PRTFDC1: variants seen among roughly 807,000 people sequenced by gnomAD.
PRTFDC1 encodes phosphoribosyltransferase domain-containing protein 1.
Under a neutral mutation model 34.6 loss-of-function variants are expected in PRTFDC1, and 38 were observed. The ratio of observed to expected loss-of-function variants is 1.10; its 90% CI spans 0.85 to 1.44. The LOEUF is 1.44. Among genes scored for constraint, PRTFDC1 ranks in the 40% most tolerant of loss-of-function variants. PRTFDC1 has a pLI of 0.00. For missense variants in PRTFDC1, 270 were observed against 283.0 expected, an observed-to-expected ratio of 0.95 and a Z score of 0.33; for synonymous variants, 93 against 98.1, an observed-to-expected ratio of 0.95 and a Z score of 0.31.
intron 3 of PRTFDC1, among the ~76,000 whole-genome samples, chr10:24,921,506 T>G (rs575605181): frequency 1.3e-5 from 2 of 152,138 alleles, no homozygotes; most frequent in South Asian, 2.1e-4. Flanking sequence ...TGTATTAGAT[T>G]AGCATTTTTA....
At chr10:24,928,843 C>T (rs991959899) in intron 3 of PRTFDC1, among the ~76,000 whole-genome samples, 6 of 151,740 alleles carry the variant, frequency 4.0e-5, no homozygotes, top group African/African-American at 1.4e-4. Flanking sequence ...AGAGACCATC[C>T]TGACTAACAC....
At chr10:24,883,475 A>G (rs564806311) in intron 3 of PRTFDC1, among the ~76,000 whole-genome samples, 18,411 of 152,066 alleles carry the variant, frequency 0.12, 1,673 homozygotes, top group Non-Finnish European at 0.18. Flanking sequence ...GGCCACCACG[A>G]AAAAGGAAAA....
chr10:24,880,843 C>CTTTCTTTCTTTCTTTCTT (rs1565264509), intron 3 of PRTFDC1, among the ~76,000 whole-genome samples: 4 of 148,378 alleles, frequency 2.7e-5, no homozygotes, highest in African/African-American at 1.0e-4. Flanking sequence ...TTCTTTCTTT[C>CTTTCTTTCTTTCTTTCTT]TTTCTTTCTT....
chr10:24,870,401 C>T (rs984344709), intron 4 of PRTFDC1, among the ~76,000 whole-genome samples: 5 of 152,136 alleles, frequency 3.3e-5, no homozygotes, highest in African/African-American at 9.7e-5. Context: ...AGCCACCATG[C>T]CCAGCCGTCT....
chr10:24,890,674 C>A (rs1197188960), intron 3 of PRTFDC1, among the ~76,000 whole-genome samples: 1 of 152,158 alleles, frequency 6.6e-6, no homozygotes, highest in African/African-American at 2.4e-5. Flanking sequence ...CCCTGTCTGG[C>A]TCCTTTGCCC....
intron 1 of PRTFDC1, among the ~76,000 whole-genome samples, chr10:24,951,059 G>C (rs995012826): frequency 7.9e-5 from 12 of 152,276 alleles, no homozygotes; most frequent in African/African-American, 1.4e-4. Context: ...TGGGGCAACT[G>C]GAATGGTTTT....
At chr10:24,872,724 A>C (rs201490765) in intron 3 of PRTFDC1, among the ~76,000 whole-genome samples, 2 of 41,668 alleles carry the variant, frequency 4.8e-5, no homozygotes, top group Admixed American at 1.9e-4. Flanking sequence ...ATAATACACA[A>C]AATATATATA....
chr10:24,851,890 C>A (rs1427881252), intron 7 of PRTFDC1, among the ~76,000 whole-genome samples: 1 of 151,676 alleles, frequency 6.6e-6, no homozygotes, highest in Non-Finnish European at 1.5e-5. Context: ...TGAACAGGTG[C>A]GCGGGCCACA....
At chr10:24,943,873 A>G (rs1849210555) in intron 1 of PRTFDC1, among the ~76,000 whole-genome samples, 3 of 151,436 alleles carry the variant, frequency 2.0e-5, no homozygotes, top group Non-Finnish European at 2.9e-5. Context: ...TTCTTTACTC[A>G]CTCCTGCACA....
At chr10:24,944,198 C>T (rs1849216266) in intron 1 of PRTFDC1, among the ~76,000 whole-genome samples, 1 of 152,188 alleles carries the variant, frequency 6.6e-6, no homozygotes, top group African/African-American at 2.4e-5. Flanking sequence ...CCTTGTAGCT[C>T]TCTGTCTTAC....
intron 6 of PRTFDC1, 22 bp downstream of exon 6, chr10:24,856,891 A>G (rs1565256222): frequency 6.3e-7 from 1 of 1,575,808 alleles, no homozygotes; most frequent in Non-Finnish European, 8.7e-7. Flanking sequence ...AGAAATCACC[A>G]TGCTATGAAT....
At chr10:24,936,036 C>T (rs952508255) in intron 3 of PRTFDC1, among the ~76,000 whole-genome samples, 2 of 152,162 alleles carry the variant, frequency 1.3e-5, no homozygotes, top group South Asian at 2.1e-4. Flanking sequence ...AGATAATACA[C>T]GTGTATGTTG....
intron 3 of PRTFDC1, among the ~76,000 whole-genome samples, chr10:24,888,820 C>A (rs1361450577): frequency 6.6e-6 from 1 of 152,092 alleles, no homozygotes; most frequent in Non-Finnish European, 1.5e-5. Context: ...CTCTACATAA[C>A]TCAACACAGC....
At chr10:24,872,676 C>A (rs962592936) in intron 3 of PRTFDC1, among the ~76,000 whole-genome samples, 6 of 146,206 alleles carry the variant, frequency 4.1e-5, no homozygotes, top group Admixed American at 3.4e-4. Context: ...CAGAACTATA[C>A]GTGTGTGTGT....
Position 24,851,929 on chromosome 10 carries a change from C to T in PRTFDC1, c.554-465G>A, listed in dbSNP as rs562057675. 3.3e-5 allele frequency among the ~76,000 whole-genome samples: 5 copies of T among 151,982 alleles called. No homozygotes were observed. In the East Asian group the frequency reaches 9.8e-4, roughly 30 times the overall value. ...ACTAGAAAGCAATTCTCCCGCTGTACTCAGTGTCTTGGCTGTTTAAAGGGC... is the reference window on the plus strand; with the variant it reads ...ACTAGAAAGCAATTCTCCCGCTGTATTCAGTGTCTTGGCTGTTTAAAGGGC... On this transcript the variant is annotated intron_variant, in intron 7 of 8. Coordinates refer to ENST00000320152, the MANE Select transcript of PRTFDC1 (RefSeq NM_020200.7).
intron 3 of PRTFDC1, among the ~76,000 whole-genome samples, chr10:24,890,022 G>A (rs1848234244): frequency 6.6e-6 from 1 of 152,178 alleles, no homozygotes; most frequent in Non-Finnish European, 1.5e-5. Flanking sequence ...GCAGAATCTG[G>A]ACTCCATTAA....
chr10:24,922,781 T>G (rs1848811502), intron 3 of PRTFDC1, among the ~76,000 whole-genome samples: 2 of 152,172 alleles, frequency 1.3e-5, no homozygotes, highest in South Asian at 4.1e-4. Flanking sequence ...TGGTTCATCT[T>G]ATTGGGACGG....
intron 4 of PRTFDC1, among the ~76,000 whole-genome samples, chr10:24,871,433 A>G (rs899856549): frequency 1.3e-5 from 2 of 152,210 alleles, no homozygotes; most frequent in Admixed American, 6.5e-5. Context: ...CTTTTCACTT[A>G]ATTATTAAGC....
chr10:24,937,332 A>G lies in PRTFDC1; in HGVS notation c.191T>C (p.Ile64Thr). ...ERLAKDIMKDIGYSDIMVLCV... is the reference protein window; with the variant it reads ...ERLAKDIMKDTGYSDIMVLCV... The stretch of plus-strand genomic sequence containing the variant: ...CAGGACCATGATGTCACTATATCCT[A>G]TGTCTTTCATAATATCCTTGGCCAG... The change falls in exon 3 of 9, where the codon ATA (isoleucine) becomes ACA (threonine). Residue 64 changes from isoleucine (I) to threonine (T), a missense_variant. Physicochemically the swap from Ile to Thr is moderately conservative, Grantham distance 89. Coordinates refer to ENST00000320152, the MANE Select transcript of PRTFDC1 (RefSeq NM_020200.7). 1 of 1,611,904 alleles carries G rather than the reference A, an allele frequency of 6.2e-7. No homozygotes were observed. Among genetic ancestry groups the G allele is most frequent in the African/African-American group, 1.3e-5 (1 of 74,940 alleles).
Sources: allele counts gnomAD v4.1 joint callset (sites outside exome capture counted in the v4.1 genomes callset), GRCh38; gene constraint gnomAD v4.1.1; transcripts MANE v1.5; gene names NCBI Gene and HGNC (gene_info 2026-07-23, HGNC 2026-07-21).